Variants in MEIKIN observed in about 807,000 individuals in gnomAD.
MEIKIN encodes the protein meiotic kinetochore factor, also known as meiosis-specific kinetochore protein.
At chr5:131,869,487 T>C (rs933791234) in intron 9 of MEIKIN, among the ~76,000 whole-genome samples, 1 of 152,212 alleles carries the variant, frequency 6.6e-6, no homozygotes, top group Admixed American at 6.5e-5. Context: ...ATATAAACTT[T>C]AGAACCAGTT....
At chr5:131,894,932 C>T (rs757313673) in intron 8 of MEIKIN, among the ~76,000 whole-genome samples, 2 of 152,190 alleles carry the variant, frequency 1.3e-5, no homozygotes, top group Non-Finnish European at 2.9e-5. Flanking sequence ...ACTTTCAGCA[C>T]TATGTTGAAT....
chr5:131,911,117 A>T (rs1751329399), intron 8 of MEIKIN, among the ~76,000 whole-genome samples: 1 of 152,110 alleles, frequency 6.6e-6, no homozygotes, highest in Non-Finnish European at 1.5e-5. Flanking sequence ...AGTTTTTATC[A>T]CTAGACTAAT....
In MEIKIN at chr5:131,910,191, G is replaced by A. The variant is rs571496854; in HGVS notation, c.703+1624C>T. On this transcript the variant is annotated intron_variant, in intron 8 of 12. Transcript: ENST00000442687. ...CCTAAGTGTCCATCAACAGATGAAT[G>A]GATAAAGAAAATGTGGTACATAAAC... 5.5e-4 allele frequency among the ~76,000 whole-genome samples: 84 copies of A among 152,224 alleles called. 1 individual carries two copies. Among genetic ancestry groups the A allele is most frequent in the Non-Finnish European group, 7.9e-4 (54 of 67,990 alleles).
At chr5:131,909,404 C>T (rs1004624844) in intron 8 of MEIKIN, among the ~76,000 whole-genome samples, 3 of 152,086 alleles carry the variant, frequency 2.0e-5, no homozygotes, top group African/African-American at 7.2e-5. Flanking sequence ...TTGCCATATA[C>T]AAAAATCAAA....
intron 3 of MEIKIN, 100 bp from the exon 4 acceptor site, chr5:131,942,795 A>T (rs1751895643): frequency 2.6e-6 from 1 of 388,370 alleles, no homozygotes; most frequent in Admixed American, 4.5e-5. Context: ...GAAAACATCA[A>T]CTTTTTATAT....
intron 8 of MEIKIN, among the ~76,000 whole-genome samples, chr5:131,883,792 A>G (rs1580888757): frequency 6.6e-6 from 1 of 152,196 alleles, no homozygotes; most frequent in African/African-American, 2.4e-5. Flanking sequence ...TGAATCACCA[A>G]TGCCACACCT....
chr5:131,884,058 G>A (rs1332083844), intron 8 of MEIKIN, among the ~76,000 whole-genome samples: 1 of 151,922 alleles, frequency 6.6e-6, no homozygotes, highest in African/African-American at 2.4e-5. Context: ...AAATGCTCTG[G>A]GGCCCTAAAT....
At chr5:131,869,876 T>C (rs1271303014) in intron 9 of MEIKIN, among the ~76,000 whole-genome samples, 1 of 152,222 alleles carries the variant, frequency 6.6e-6, no homozygotes, top group Non-Finnish European at 1.5e-5. Flanking sequence ...ATTCTCTGTA[T>C]CCTCCTGTCT....
chr5:131,814,328 G>A (rs535770258), intron 12 of MEIKIN, among the ~76,000 whole-genome samples: 5 of 149,236 alleles, frequency 3.4e-5, no homozygotes, highest in African/African-American at 1.2e-4. Context: ...TCAGGCTGCA[G>A]TGCAGTGGCG....
At chr5:131,940,467 C>A (rs1048423243) in intron 4 of MEIKIN, among the ~76,000 whole-genome samples, 4 of 151,974 alleles carry the variant, frequency 2.6e-5, no homozygotes, top group East Asian at 1.9e-4. Flanking sequence ...ATTCAGCGGC[C>A]TCTGGTATCT....
At chr5:131,823,208 G>A (rs1749550330) in intron 11 of MEIKIN, among the ~76,000 whole-genome samples, 1 of 151,978 alleles carries the variant, frequency 6.6e-6, no homozygotes, top group African/African-American at 2.4e-5. Flanking sequence ...CAAACTTCTT[G>A]TCCTTGGATA....
intron 8 of MEIKIN, among the ~76,000 whole-genome samples, chr5:131,881,995 C>A (rs1750708893): frequency 6.6e-6 from 1 of 152,134 alleles, no homozygotes; most frequent in Admixed American, 6.5e-5. Context: ...TTGGTCTGCC[C>A]TATAGTGCTC....
chr5:131,843,886 T>G (rs1469375933), intron 11 of MEIKIN, among the ~76,000 whole-genome samples: 1 of 152,204 alleles, frequency 6.6e-6, no homozygotes, highest in Admixed American at 6.5e-5. Context: ...TGATATCAAT[T>G]TTCTGTATTA....
At chr5:131,926,391 T>TTTTATCCAGAGATAAAA (rs1751587584) in intron 5 of MEIKIN, among the ~76,000 whole-genome samples, 8 of 152,214 alleles carry the variant, frequency 5.3e-5, no homozygotes, top group Admixed American at 5.2e-4. Context: ...AAACGCCACC[T>TTTTATCCAGAGATAAAA]GGTCATGGTG....
intron 11 of MEIKIN, among the ~76,000 whole-genome samples, chr5:131,827,143 C>A (rs1328297923): frequency 6.6e-6 from 1 of 152,104 alleles, no homozygotes; most frequent in African/African-American, 2.4e-5. Flanking sequence ...TGCCACAATG[C>A]CTGGCTAATT....
chr5:131,903,873 T>C lies in MEIKIN; in HGVS notation c.703+7942A>G, dbSNP rs563209051. ...TGGATAAAGAAACAAAACCCAACAG[T>C]ATGCTGTCTTCAAGAGATCCATCTC... is the stretch of plus-strand genomic sequence containing the variant. On this transcript the variant is annotated intron_variant, in intron 8 of 12. Transcript: ENST00000442687. Among the ~76,000 whole-genome samples the C allele has an allele frequency of 2.6e-5, 4 of 151,602 alleles. No individual in the cohort carries two copies. The South Asian group carries it at 6.3e-4, about 24-fold the overall frequency.
chr5:131,844,116 A>G (rs1418879682), intron 11 of MEIKIN, among the ~76,000 whole-genome samples: 3 of 152,120 alleles, frequency 2.0e-5, no homozygotes, highest in African/African-American at 7.2e-5. Flanking sequence ...TCAAACAACT[A>G]GATCTCGTGA....
Position 131,925,161 on chromosome 5 carries a change from T to C in MEIKIN, c.479-3220A>G, listed in dbSNP as rs144877101. On this transcript the variant is annotated intron_variant, in intron 5 of 12. Coordinates refer to ENST00000442687, the MANE Select transcript of MEIKIN (RefSeq NM_001303622.2). ...TACAGATTCATTTCTCTTATGACAG[T>C]ATCATACTGTTTGAATTACTATAGC... is the stretch of plus-strand genomic sequence containing the variant. Among the ~76,000 whole-genome samples, 313 of 152,356 alleles carry C rather than the reference T, an allele frequency of 2.1e-3. 1 individual carries two copies. Among genetic ancestry groups the C allele is most frequent in the African/African-American group, 7.1e-3 (297 of 41,588 alleles).
At chr5:131,906,352 A>G (rs527881351) in intron 8 of MEIKIN, among the ~76,000 whole-genome samples, 113 of 152,204 alleles carry the variant, frequency 7.4e-4, no homozygotes, top group Non-Finnish European at 1.5e-3. Context: ...TATTATTAAA[A>G]AGTAAAAAAG....
Sources: allele counts gnomAD v4.1 joint callset (sites outside exome capture counted in the v4.1 genomes callset), GRCh38; gene constraint gnomAD v4.1.1; transcripts MANE v1.5; gene names NCBI Gene and HGNC (gene_info 2026-07-23, HGNC 2026-07-21).